Variants in SLC38A5 observed in about 807,000 individuals in gnomAD.
SLC38A5 encodes the protein solute carrier family 38 member 5.
In SLC38A5, 9 loss-of-function variants were observed where a neutral mutation model predicts 34.6. The ratio of observed to expected loss-of-function variants is 0.26; its 90% CI spans 0.16 to 0.45. The LOEUF (loss-of-function observed/expected upper bound fraction) is 0.45. Among genes scored for constraint, SLC38A5 ranks in the 20% least tolerant of loss-of-function variants. The pLI is 1.00. For missense variants in SLC38A5, 253 were observed against 394.7 expected, an observed-to-expected ratio of 0.64 and a Z score of 3.04; for synonymous variants, 157 against 155.6, an observed-to-expected ratio of 1.01 and a Z score of -0.07.
chrX:48,463,901 AAGAAAGAAAGAG>A (rs1290813882), intron 8 of SLC38A5, among the ~76,000 whole-genome samples: 18 of 106,183 alleles, frequency 1.7e-4, no homozygotes, highest in African/African-American at 5.9e-4. Context: ...GAAAGAAAGA[AAGAAAGAAAGAG>A]AAAGAAAGAA....
At chrX:48,467,285 T>C (rs1485767177) in intron 4 of SLC38A5, 2 of 432,834 alleles carry the variant, frequency 4.6e-6, no homozygotes, top group Non-Finnish European at 8.0e-6. Flanking sequence ...AGGGGGAAAC[T>C]AGGACAAACT....
chrX:48,465,600 A>G (rs2061470386), intron 8 of SLC38A5, among the ~76,000 whole-genome samples: 2 of 111,897 alleles, frequency 1.8e-5, no homozygotes, highest in South Asian at 7.4e-4. Context: ...CGAGGGTAAG[A>G]CACATATGGT....
intron 9 of SLC38A5, 40 bp from the exon 10 acceptor site, chrX:48,462,331 G>A (rs1556962115): frequency 8.6e-7 from 1 of 1,168,025 alleles, no homozygotes; most frequent in Non-Finnish European, 1.2e-6. Context: ...AATCAGCCAG[G>A]CGTGGTGGCT....
rs2147075059 is a variant in SLC38A5, at chrX:48,467,061, G to A, written c.146C>T (p.Ser49Leu). Residue 49 changes from serine to leucine, a missense_variant, in exon 5 of 17, where the codon TCG (serine) becomes TTG (leucine). Coordinates refer to ENST00000620913, the MANE Select transcript of SLC38A5 (RefSeq NM_033518.4). ...VQFMDFEGKT[S>L]FGMSVFNLSN... ...GAGGTTGAACACTGACATTCCAAAC[G>A]ATGTCTTCCCCTCGAACTGCACGCA... 1 of 1,210,904 alleles carries A rather than the reference G, an allele frequency of 8.3e-7. No individual in the cohort carries two copies. Among genetic ancestry groups the A allele is most frequent in the Non-Finnish European group, 1.1e-6 (1 of 894,773 alleles).
chrX:48,464,659 G>C (rs781824504), intron 8 of SLC38A5, among the ~76,000 whole-genome samples: 1 of 112,649 alleles, frequency 8.9e-6, no homozygotes, highest in African/African-American at 3.2e-5. Flanking sequence ...AGCCGAGCAT[G>C]GGGGCTGAGG....
intron 13 of SLC38A5, 44 bp from the exon 14 acceptor site, chrX:48,460,808 A>G: frequency 8.7e-7 from 1 of 1,153,901 alleles, no homozygotes; most frequent in Non-Finnish European, 1.2e-6. Flanking sequence ...ATGTGGAGAG[A>G]GCACCAGGAC....
Position 48,467,861 on chromosome X carries a change from C to G in SLC38A5, c.53+11G>C, listed in dbSNP as rs781940717. On this transcript the variant is annotated intron_variant, in intron 3 of 16. Coordinates refer to ENST00000620913, the MANE Select transcript of SLC38A5 (RefSeq NM_033518.4). ...GATCCCTGAGCCCACCTCCTTGGAC[C>G]CCTGACTCACCCCACAGCATCCGAA... is the stretch of plus-strand genomic sequence containing the variant. 8.3e-7 allele frequency: 1 copy of G among 1,207,428 alleles called. No homozygotes were observed. Among genetic ancestry groups the G allele is most frequent in the Admixed American group, 2.2e-5 (1 of 45,668 alleles).
chrX:48,461,062 G>A lies in SLC38A5; in HGVS notation c.876C>T (p.Ala292=), dbSNP rs377330800. The change falls in exon 13 of 17, where the codon GCC becomes GCT. Residue 292 remains alanine, a synonymous_variant. Coordinates refer to ENST00000620913, the MANE Select transcript of SLC38A5 (RefSeq NM_033518.4). ...TGGCCCCAATGGACACGTTGGCCACGGCCTGCATCCTGCGCTTGGAGGGCC... is the reference window on the plus strand; with the variant it reads ...TGGCCCCAATGGACACGTTGGCCACAGCCTGCATCCTGCGCTTGGAGGGCC... ...LCRPSKRRMQ[A]VANVSIGAMF... The A allele has an allele frequency of 3.4e-5, 41 of 1,194,509 alleles. No individual in the cohort carries two copies. The highest frequency in any genetic ancestry group is 3.4e-4 in the African/African-American group (19 of 56,042).
At chrX:48,465,089 C>T (rs2061466147) in intron 8 of SLC38A5, among the ~76,000 whole-genome samples, 1 of 111,459 alleles carries the variant, frequency 9.0e-6, no homozygotes, top group African/African-American at 3.3e-5. Flanking sequence ...TCATGAAACA[C>T]ACAGAGGCAG....
intron 13 of SLC38A5, 37 bp downstream of exon 13, chrX:48,460,949 T>TCCCCCA: frequency 1.8e-6 from 2 of 1,087,547 alleles, no homozygotes; most frequent in Non-Finnish European, 2.5e-6. Flanking sequence ...CCCCAGGCCT[T>TCCCCCA]CCCCCTCCCC....
intron 13 of SLC38A5, 64 bp downstream of exon 13, chrX:48,460,922 G>T (rs1333589412): frequency 1.9e-6 from 2 of 1,052,799 alleles, no homozygotes; most frequent in East Asian, 3.3e-5. Flanking sequence ...CAGAAGGAAA[G>T]AGCTCAGAGG....
chrX:48,466,947 C>A lies in SLC38A5; in HGVS notation c.245+15G>T, dbSNP rs782468486. ...CCACAACACCCCTGGCCCCGCAGGC[C>A]ACCTATGGACTCACAGGAAGAAGAT... On this transcript the variant is annotated intron_variant, in intron 5 of 16. Coordinates refer to ENST00000620913, the MANE Select transcript of SLC38A5 (RefSeq NM_033518.4). 1 of 1,209,518 alleles carries A rather than the reference C, an allele frequency of 8.3e-7. No individual in the cohort carries two copies. Among genetic ancestry groups the A allele is most frequent in the South Asian group, 1.8e-5 (1 of 56,753 alleles).
intron 8 of SLC38A5, among the ~76,000 whole-genome samples, chrX:48,464,672 G>C (rs1198353878): frequency 8.9e-6 from 1 of 112,510 alleles, no homozygotes; most frequent in African/African-American, 3.2e-5. Flanking sequence ...GGCTGAGGCA[G>C]AAGGATGGCT....
At chrX:48,460,517 C>A in intron 14 of SLC38A5, 132 bp downstream of exon 14, 1 of 614,952 alleles carries the variant, frequency 1.6e-6, no homozygotes, top group Non-Finnish European at 2.5e-6. Flanking sequence ...GAAAACGCTG[C>A]CCTTTCCTGT....
At position 48,458,975 on chromosome X, in the gene SLC38A5, A is replaced by G. The variant is rs1556961285; in HGVS notation, c.1377T>C (p.Phe459=). The G allele has an allele frequency of 2.5e-6, 3 of 1,194,738 alleles. No individual in the cohort carries two copies. Among genetic ancestry groups the G allele is most frequent in the Non-Finnish European group, 3.4e-6 (3 of 886,143 alleles). The change falls in exon 17 of 17, where the codon TTT becomes TTC. Residue 459 remains phenylalanine (F), a synonymous_variant. Coordinates refer to ENST00000620913, the MANE Select transcript of SLC38A5 (RefSeq NM_033518.4). The stretch of plus-strand genomic sequence containing the variant: ...GGCTCTGGCCTGTGGCCCAGTTGGC[A>G]AACATAAAGCCTAGACTGACGGCCA... ...LFMAVSLGFM[F]ANWATGQSRM... is the part of the protein sequence containing the mutation.
At chrX:48,461,211 G>T (rs781900143) in intron 12 of SLC38A5, 125 bp from the exon 13 acceptor site, 41 of 546,716 alleles carry the variant, frequency 7.5e-5, no homozygotes, top group South Asian at 7.5e-4. Context: ...GCACACATGG[G>T]GACACCCGTC....
Position 48,458,891 on chromosome X carries a change from T to C in SLC38A5, c.*42A>G. 1.7e-6 allele frequency: 2 copies of C among 1,161,471 alleles called. No homozygotes were observed. The highest frequency in any genetic ancestry group is 2.3e-6 in the Non-Finnish European group (2 of 869,585). On this transcript the variant is annotated 3_prime_UTR_variant, in exon 17 of 17. Transcript: ENST00000620913. ...GACCCTAGGGAGCGGCCCTGACCCC[T>C]CCATGTGCATGCGCACAGGGACCTG...
At chrX:48,461,207 A>C in intron 12 of SLC38A5, 121 bp from the exon 13 acceptor site, 1 of 563,325 alleles carries the variant, frequency 1.8e-6, no homozygotes, top group African/African-American at 2.2e-5. Flanking sequence ...GCTGGCACAC[A>C]TGGGGACACC....
At chrX:48,465,082 T>A (rs1333361210) in intron 8 of SLC38A5, among the ~76,000 whole-genome samples, 3 of 111,150 alleles carry the variant, frequency 2.7e-5, no homozygotes, top group Non-Finnish European at 5.7e-5. Flanking sequence ...GAGCTGTTCA[T>A]GAAACACACA....
Sources: allele counts gnomAD v4.1 joint callset (sites outside exome capture counted in the v4.1 genomes callset), GRCh38; gene constraint gnomAD v4.1.1; transcripts MANE v1.5; gene names NCBI Gene and HGNC (gene_info 2026-07-23, HGNC 2026-07-21).